CUL5: variants seen among roughly 807,000 people sequenced by gnomAD.
The protein encoded by CUL5 is cullin 5, also known as cullin-5.
Under a neutral mutation model 108.8 loss-of-function variants are expected in CUL5, and 26 were observed. The observed-to-expected ratio is 0.24, with a 90% confidence interval of 0.18 to 0.33. The LOEUF (loss-of-function observed/expected upper bound fraction) is 0.33, where lower values mean the gene tolerates loss of function less well. Ranked by LOEUF, CUL5 falls within the 10% of genes least tolerant of loss-of-function variation. The pLI is 1.00. For missense variants in CUL5, 524 were observed against 909.2 expected (o/e 0.58, Z 5.45); for synonymous variants, 334 against 298.0 (o/e 1.12, Z -1.25).
chr11:108,074,218 G>C (rs1314077520), intron 10 of CUL5, among the ~76,000 whole-genome samples: 3 of 100,578 alleles, frequency 3.0e-5, no homozygotes, highest in African/African-American at 1.3e-4. Context: ...TTTTGAGACT[G>C]AGTTTCGCTC....
chr11:108,033,124 C>T (rs1166414551), intron 1 of CUL5, among the ~76,000 whole-genome samples: 1 of 152,162 alleles, frequency 6.6e-6, no homozygotes, highest in Non-Finnish European at 1.5e-5. Flanking sequence ...AAGGAAGAGA[C>T]TCATAGGGCT....
rs753411259 is a variant in CUL5 at position 108,072,342 on chromosome 11, A to G, written c.885A>G (p.Leu295=). Residue 295 remains leucine, a synonymous_variant, in exon 9 of 19, where the codon TTA becomes TTG. Coordinates refer to ENST00000393094, the MANE Select transcript of CUL5 (RefSeq NM_003478.6). ...GTTCTCTCCTTCCAGAATTACATTT[A>G]ATGTTTTCATTGATGGACAAAGTTC... ...IKRNETEKLH[L]MFSLMDKVPN... The G allele has an allele frequency of 1.9e-6, 3 of 1,601,856 alleles. No homozygotes were observed. In the South Asian group the frequency reaches 3.4e-5, roughly 18 times the overall value.
rs537218416 is a variant in CUL5 at position 108,059,849 on chromosome 11, G to A, written c.780+4894G>A. ...CAGTAAGGAGAGATCACACCATTGC[G>A]CTCCAGCCTGGGTGACAGAGCGAGA... On this transcript the variant is annotated intron_variant, in intron 7 of 18. Transcript: ENST00000393094. Among the ~76,000 whole-genome samples the A allele has an allele frequency of 4.6e-5, 7 of 150,704 alleles. 1 individual carries two copies. In the South Asian group the frequency reaches 8.5e-4, roughly 18 times the overall value.
rs759452814 is a variant in CUL5, at chr11:108,097,760, C to T, written c.2024+6C>T. ...AACCAGGAGTTCAGTTTAATGTAAG[C>T]TCGTTAGTTGATCTAAAATAAAAAC... On this transcript the variant is annotated splice_donor_region_variant and intron_variant, in intron 17 of 18. Coordinates refer to ENST00000393094, the MANE Select transcript of CUL5 (RefSeq NM_003478.6). 6.9e-7 allele frequency: 1 copy of T among 1,459,212 alleles called. No homozygotes were observed. The highest frequency in any genetic ancestry group is 9.5e-7 in the Non-Finnish European group (1 of 1,049,422). The allele number at this position is 1,459,212 out of a possible 1,614,324, so 90.4% of individuals were successfully genotyped here. A position where few individuals can be genotyped will look rare whatever the true frequency, so the allele number is the denominator to read the frequency against.
intron 4 of CUL5, among the ~76,000 whole-genome samples, chr11:108,051,646 T>C (rs1863225201): frequency 6.6e-6 from 1 of 152,216 alleles, no homozygotes; most frequent in Admixed American, 6.5e-5. Context: ...TATACCATTT[T>C]TATCATTTTA....
At chr11:108,057,424 C>G (rs1591304019) in intron 7 of CUL5, among the ~76,000 whole-genome samples, 1 of 152,186 alleles carries the variant, frequency 6.6e-6, no homozygotes, top group South Asian at 2.1e-4. Context: ...AAGACACCAT[C>G]TTAATTAAGT....
At chr11:108,047,656 A>G (rs1863100205) in intron 3 of CUL5, among the ~76,000 whole-genome samples, 1 of 152,190 alleles carries the variant, frequency 6.6e-6, no homozygotes, top group Non-Finnish European at 1.5e-5. Context: ...TTTAAATTGT[A>G]GTTTTATAGG....
intron 2 of CUL5, among the ~76,000 whole-genome samples, chr11:108,035,117 C>T (rs1484257633): frequency 1.3e-5 from 2 of 152,040 alleles, no homozygotes; most frequent in Non-Finnish European, 2.9e-5. Flanking sequence ...AAACTGTAAC[C>T]AATCCAGAAA....
intron 13 of CUL5, among the ~76,000 whole-genome samples, chr11:108,092,157 G>T (rs1242013621): frequency 6.6e-6 from 1 of 152,030 alleles, no homozygotes; most frequent in Non-Finnish European, 1.5e-5. Flanking sequence ...AAAACACAAA[G>T]AGATACTACT....
At chr11:108,069,947 A>G (rs1370216803) in intron 7 of CUL5, 149 bp from the exon 8 acceptor site, 4 of 474,344 alleles carry the variant, frequency 8.4e-6, no homozygotes, top group African/African-American at 5.8e-5. Flanking sequence ...TAGCATATCC[A>G]TCTTCAATAA....
intron 10 of CUL5, among the ~76,000 whole-genome samples, chr11:108,074,932 G>A (rs1018588393): frequency 6.6e-6 from 1 of 152,200 alleles, no homozygotes; most frequent in Non-Finnish European, 1.5e-5. Context: ...TTCATAGGAA[G>A]CCAGATCATG....
rs1862657983 is a variant in CUL5, at chr11:108,033,877, T to C, written c.100T>C (p.Ser34Pro). 1.2e-6 allele frequency: 2 copies of C among 1,613,400 alleles called. No individual in the cohort carries two copies. The highest frequency in any genetic ancestry group is 1.3e-5 in the African/African-American group (1 of 74,904). The change falls in exon 2 of 19, where the codon TCT (serine) becomes CCT (proline). Residue 34 changes from serine (S) to proline (P), a missense_variant. Physicochemically the swap from Ser to Pro is moderately conservative, Grantham distance 74 (BLOSUM62 -1). This residue lies in a region of CUL5 where 76 missense variants were observed against 90.8 expected (regional missense o/e 0.84). Transcript: ENST00000393094. ...TGTTTTGAAGCTTTTACGCCAGGAA[T>C]CTGTTACAAAACAGCAGTGGTTTGA... ...PIVLKLLRQE[S>P]VTKQQWFDLF...
intron 11 of CUL5, among the ~76,000 whole-genome samples, chr11:108,087,702 G>C (rs544633325): frequency 1.3e-5 from 2 of 152,144 alleles, no homozygotes; most frequent in African/African-American, 4.8e-5. Flanking sequence ...TGGCCCACGC[G>C]TATAATCCTA....
intron 1 of CUL5, among the ~76,000 whole-genome samples, chr11:108,014,990 C>T (rs1453953910): frequency 6.6e-6 from 1 of 152,158 alleles, no homozygotes; most frequent in Non-Finnish European, 1.5e-5. Context: ...CCTCCACCTC[C>T]TGGGTTCAAG....
intron 1 of CUL5, among the ~76,000 whole-genome samples, chr11:108,015,021 C>A (rs903102925): frequency 6.6e-6 from 1 of 152,164 alleles, no homozygotes; most frequent in African/African-American, 2.4e-5. Flanking sequence ...TCCTCAGCCT[C>A]CCGAGTAGTT....
intron 3 of CUL5, among the ~76,000 whole-genome samples, chr11:108,048,098 G>T (rs559995920): frequency 6.6e-6 from 1 of 150,998 alleles, no homozygotes; most frequent in South Asian, 2.1e-4. Context: ...ATCTTAAAAA[G>T]ATTTTTAAAC....
intron 10 of CUL5, chr11:108,073,719 T>C: frequency 3.6e-6 from 1 of 274,920 alleles, no homozygotes; most frequent in Non-Finnish European, 6.8e-6. Flanking sequence ...AGAAAGTTGC[T>C]TTTTTCTCAT....
At chr11:108,080,449 G>T (rs1328002217) in intron 11 of CUL5, among the ~76,000 whole-genome samples, 9 of 151,950 alleles carry the variant, frequency 5.9e-5, no homozygotes, top group Admixed American at 3.3e-4. Context: ...AGGCTGGAGT[G>T]CAGTGGTCTG....
chr11:108,073,212 AAAGG>A (rs1863867042), intron 9 of CUL5, among the ~76,000 whole-genome samples, 174 bp from the exon 10 acceptor site: 2 of 152,080 alleles, frequency 1.3e-5, no homozygotes. Flanking sequence ...AAAAAAAAAA[AAAGG>A]AAGAAAGAAA....
Sources: gnomAD v4.1 joint callset for allele counts (sites outside exome capture counted in the v4.1 genomes callset) on GRCh38, gnomAD v4.1.1 for gene constraint, gnomAD v4.1.1 regional missense constraint, MANE v1.5 for transcripts, NCBI Gene and HGNC (gene_info 2026-07-23, HGNC 2026-07-21) for gene names.